Variants in RAI14 observed in about 807,000 individuals in gnomAD.
The protein encoded by RAI14 is retinoic acid induced 14, also known as ankycorbin.
In RAI14, 45 loss-of-function variants were observed where a neutral mutation model predicts 115.4. The observed-to-expected ratio is 0.39, with a 90% CI of 0.31 to 0.50. The LOEUF (loss-of-function observed/expected upper bound fraction) is 0.50. Ranked by LOEUF, RAI14 falls within the 20% of genes least tolerant of loss-of-function variation. RAI14 has a pLI of 0.85. For synonymous variants in RAI14, 371 were observed against 415.4 expected (o/e 0.89, Z 1.30); for missense variants, 939 against 1,131.2 (o/e 0.83, Z 2.44).
At chr5:34,696,497 C>A (rs561495014) in intron 2 of RAI14, among the ~76,000 whole-genome samples, 31 of 152,190 alleles carry the variant, frequency 2.0e-4, no homozygotes, top group Non-Finnish European at 4.3e-4. Flanking sequence ...TCACAGGGAA[C>A]TGGTTAGAGC....
chr5:34,748,420 CTTG>C (rs1483460848), intron 2 of RAI14, among the ~76,000 whole-genome samples: 40 of 152,258 alleles, frequency 2.6e-4, no homozygotes, highest in Non-Finnish European at 2.5e-4. Context: ...CTTGTATCAA[CTTG>C]TTGTTTATGC....
rs1373860856 is a variant in RAI14, at chr5:34,752,745, G to GTATATATATATATA, written c.37-4722_37-4721insATATATATATATAT. On this transcript the variant is annotated intron_variant, in intron 2 of 17. Coordinates refer to ENST00000265109, the MANE Select transcript of RAI14 (RefSeq NM_015577.3). The stretch of plus-strand genomic sequence containing the variant: ...TGTGTGTGTGTGTGTGTGTGTGTGT[G>GTATATATATATATA]TGTGTATATATATATATATATGTAT... Among the ~76,000 whole-genome samples the GTATATATATATATA allele has an allele frequency of 3.7e-4, 39 of 105,266 alleles. 1 individual carries two copies. The highest frequency in any genetic ancestry group is 1.3e-3 in the African/African-American group (35 of 26,558). The allele number at this position is 105,266 out of a possible 152,430, so 69.1% of individuals were successfully genotyped here.
intron 2 of RAI14, among the ~76,000 whole-genome samples, chr5:34,742,897 C>T (rs1481053345): frequency 6.6e-6 from 1 of 152,122 alleles, no homozygotes; most frequent in East Asian, 1.9e-4. Flanking sequence ...CTCCTGACCT[C>T]GTGATCCACC....
In RAI14 at chr5:34,746,995, T is replaced by A. The variant is rs184379605; in HGVS notation, c.37-10473T>A. Among the ~76,000 whole-genome samples, 64 of 152,332 alleles carry A rather than the reference T, an allele frequency of 4.2e-4. No homozygotes were observed. In the East Asian group the frequency reaches 0.012, roughly 28 times the overall value. On this transcript the variant is annotated intron_variant, in intron 2 of 17. Coordinates refer to ENST00000265109, the MANE Select transcript of RAI14 (RefSeq NM_015577.3). ...TCATTTTTCTCTTCCCACTGCCATGTAAGAAGTGCCTTTTGCCTCCTGCCA... is the reference window on the plus strand; with the variant it reads ...TCATTTTTCTCTTCCCACTGCCATGAAAGAAGTGCCTTTTGCCTCCTGCCA...
chr5:34,675,207 T>C (rs926518966), intron 1 of RAI14, among the ~76,000 whole-genome samples: 6 of 152,236 alleles, frequency 3.9e-5, no homozygotes, highest in Admixed American at 6.5e-5. Flanking sequence ...ACTGGATCTT[T>C]TTAAGAACAA....
chr5:34,701,667 C>T (rs1407625884), intron 2 of RAI14, among the ~76,000 whole-genome samples: 1 of 152,204 alleles, frequency 6.6e-6, no homozygotes, highest in Non-Finnish European at 1.5e-5. Context: ...ATGTCTCATG[C>T]CTCTCTAAAA....
chr5:34,698,089 C>T (rs1217837138), intron 2 of RAI14, among the ~76,000 whole-genome samples: 1 of 80,300 alleles, frequency 1.2e-5, no homozygotes, highest in African/African-American at 5.2e-5. Flanking sequence ...CTCCTCCCCT[C>T]CTCCCCTTCC....
At chr5:34,802,934 A>G (rs1297450334) in intron 4 of RAI14, among the ~76,000 whole-genome samples, 1 of 152,170 alleles carries the variant, frequency 6.6e-6, no homozygotes, top group Admixed American at 6.5e-5. Flanking sequence ...GTACATTGAG[A>G]GGAGAGGGAA....
chr5:34,764,723 G>A (rs766951337), intron 3 of RAI14, among the ~76,000 whole-genome samples: 1 of 152,096 alleles, frequency 6.6e-6, no homozygotes, highest in Non-Finnish European at 1.5e-5. Context: ...AGTGTTGTAT[G>A]TTAAAGCTGA....
At chr5:34,799,733 G>T (rs1754033465) in intron 4 of RAI14, among the ~76,000 whole-genome samples, 1 of 135,046 alleles carries the variant, frequency 7.4e-6, no homozygotes, top group South Asian at 2.3e-4. Context: ...TGTCTCCCAG[G>T]CTGAAGTGCA....
intron 2 of RAI14, among the ~76,000 whole-genome samples, chr5:34,747,854 G>A (rs1018881882): frequency 2.0e-5 from 3 of 152,218 alleles, no homozygotes; most frequent in Non-Finnish European, 4.4e-5. Context: ...GCTTAGTGGT[G>A]AACGAGACAG....
chr5:34,752,701 A>ATGTGTGTGTGTGTG (rs764853413), intron 2 of RAI14, among the ~76,000 whole-genome samples: 2 of 90,268 alleles, frequency 2.2e-5, no homozygotes, highest in Non-Finnish European at 4.3e-5. Context: ...TTTCTTACAT[A>ATGTGTGTGTGTGTG]TATGTGTGTG....
At chr5:34,780,444 A>G (rs1366471939) in intron 3 of RAI14, among the ~76,000 whole-genome samples, 1 of 152,208 alleles carries the variant, frequency 6.6e-6, no homozygotes, top group Non-Finnish European at 1.5e-5. Context: ...TAACCTACAG[A>G]ATGGGAAAAA....
At chr5:34,805,632 G>A (rs2150240081) in intron 5 of RAI14, among the ~76,000 whole-genome samples, 1 of 152,256 alleles carries the variant, frequency 6.6e-6, no homozygotes, top group Non-Finnish European at 1.5e-5. Flanking sequence ...CTGAGGCCAG[G>A]AGTTCGTGAC....
intron 2 of RAI14, among the ~76,000 whole-genome samples, chr5:34,723,099 C>CA (rs34763264): frequency 0.43 from 36,474 of 85,462 alleles, 6,919 homozygotes; most frequent in African/African-American, 0.56. Flanking sequence ...GACCCTGTCT[C>CA]AAAAAAAAAA....
At chr5:34,701,441 C>A (rs1311042468) in intron 2 of RAI14, among the ~76,000 whole-genome samples, 1 of 152,090 alleles carries the variant, frequency 6.6e-6, no homozygotes, top group African/African-American at 2.4e-5. Context: ...TCATCTGTTC[C>A]CTCTAAGGAC....
At chr5:34,766,035 G>T (rs1038579274) in intron 3 of RAI14, among the ~76,000 whole-genome samples, 1 of 152,234 alleles carries the variant, frequency 6.6e-6, no homozygotes, top group Non-Finnish European at 1.5e-5. Flanking sequence ...GTATACAAAA[G>T]TCAAGAACTG....
At chr5:34,826,588 A>G (rs1757476295) in intron 16 of RAI14, 109 bp downstream of exon 16, 3 of 1,374,038 alleles carry the variant, frequency 2.2e-6, no homozygotes, top group South Asian at 1.5e-5. Context: ...TCCCAGCCCA[A>G]AGGAATGTAC....
rs56983390 is a variant in RAI14, at chr5:34,748,818, TA to T, written c.37-8637del. 1.0e-3 allele frequency among the ~76,000 whole-genome samples: 132 copies of T among 127,890 alleles called. No homozygotes were observed. The East Asian group carries it at 0.017, about 16-fold the overall frequency. The allele number at this position is 127,890 out of a possible 152,430, so 83.9% of individuals were successfully genotyped here. On this transcript the variant is annotated intron_variant, in intron 2 of 17. Transcript: ENST00000265109. ...CTCTACAAATTAAAAAAATAAAAAT[TA>T]AAAAAAAAAAAAGAAAATTTGGGAA...
Sources: gnomAD v4.1 joint callset for allele counts (sites outside exome capture counted in the v4.1 genomes callset) on GRCh38, gnomAD v4.1.1 for gene constraint, MANE v1.5 for transcripts, NCBI Gene and HGNC (gene_info 2026-07-23, HGNC 2026-07-21) for gene names.